DZIP3: variants seen among roughly 807,000 people sequenced by gnomAD.
DZIP3 encodes the protein DAZ interacting zinc finger protein 3, also known as E3 ubiquitin-protein ligase DZIP3.
Under a neutral mutation model 162.0 loss-of-function variants are expected in DZIP3, and 118 were observed. That is an observed-to-expected ratio of 0.73 (90% confidence interval 0.63 to 0.85). The LOEUF (loss-of-function observed/expected upper bound fraction) is 0.85. DZIP3 is among the 40% of genes least tolerant of loss of function. The pLI, the probability that DZIP3 is intolerant of heterozygous loss-of-function variation, is 0.00. For missense variants in DZIP3, 1,331 were observed against 1,407.0 expected (o/e 0.95, Z 0.86); for synonymous variants, 438 against 458.6 (o/e 0.96, Z 0.57).
chr3:108,643,118 AC>A (rs1407058769), intron 13 of DZIP3, among the ~76,000 whole-genome samples: 3 of 152,192 alleles, frequency 2.0e-5, no homozygotes, highest in African/African-American at 7.2e-5. Flanking sequence ...TCAAGCAAAA[AC>A]GTTAATTTAA....
intron 26 of DZIP3, 120 bp from the exon 27 acceptor site, chr3:108,684,096 T>A (rs2107412713): frequency 8.8e-7 from 1 of 1,142,798 alleles, no homozygotes; most frequent in Non-Finnish European, 1.2e-6. Flanking sequence ...CTTTGTATCT[T>A]GAGTTCAAAT....
chr3:108,622,472 G>T (rs1941397004), intron 5 of DZIP3, among the ~76,000 whole-genome samples: 1 of 152,120 alleles, frequency 6.6e-6, no homozygotes, highest in African/African-American at 2.4e-5. Flanking sequence ...TTGGCAACTG[G>T]TGCCTTTTTT....
At chr3:108,659,888 A>G (rs1035197418) in intron 19 of DZIP3, among the ~76,000 whole-genome samples, 2 of 152,130 alleles carry the variant, frequency 1.3e-5, no homozygotes, top group African/African-American at 4.8e-5. Context: ...CCCATTCACA[A>G]TTGCTTCAAA....
rs751065021 is a variant in DZIP3 at position 108,608,075 on chromosome 3, T to C, written c.33-14T>C. 1.2e-6 allele frequency: 2 copies of C among 1,605,810 alleles called. No individual in the cohort carries two copies. Among genetic ancestry groups the C allele is most frequent in the African/African-American group, 2.7e-5 (2 of 74,802 alleles). The stretch of plus-strand genomic sequence containing the variant: ...GAAGATGCTCTTAATATACCTCATT[T>C]TCATTTAAAATAGGCATCCTGCTGT... On this transcript the variant is annotated splice_polypyrimidine_tract_variant and intron_variant, in intron 2 of 32. Coordinates refer to ENST00000361582, the MANE Select transcript of DZIP3 (RefSeq NM_014648.4).
At chr3:108,612,170 T>C (rs1167068068) in intron 4 of DZIP3, among the ~76,000 whole-genome samples, 2 of 152,184 alleles carry the variant, frequency 1.3e-5, no homozygotes, top group Non-Finnish European at 2.9e-5. Flanking sequence ...AAGAAAATTA[T>C]ATACTCTTTT....
At chr3:108,660,796 A>AC (rs1553711812) in intron 19 of DZIP3, among the ~76,000 whole-genome samples, 3 of 151,900 alleles carry the variant, frequency 2.0e-5, no homozygotes, top group Admixed American at 2.0e-4. Context: ...TTACAAGAAA[A>AC]AAACAACCCC....
At chr3:108,668,292 C>G (rs1170388215) in intron 21 of DZIP3, among the ~76,000 whole-genome samples, 2 of 152,040 alleles carry the variant, frequency 1.3e-5, no homozygotes, top group Non-Finnish European at 2.9e-5. Flanking sequence ...CTAGAGTTAA[C>G]TTGAGAACTT....
In DZIP3 at chr3:108,651,153, A is replaced by G. The variant is rs1182396491; in HGVS notation, c.2024A>G (p.Glu675Gly). The G allele has an allele frequency of 7.9e-6, 6 of 758,186 alleles. No homozygotes were observed. The highest frequency in any genetic ancestry group is 1.1e-5 in the Non-Finnish European group (6 of 539,206). The allele number at this position is 758,186 out of a possible 1,614,324, so 47.0% of individuals were successfully genotyped here. ...ATTTTTCAGAATAAAGACTCAAAAG[A>G]AGACCAAGTGTAAGTATTAGTTTAT... ...TKNKKNKDSKEDQVPYVVEKE... is the reference protein window; with the variant it reads ...TKNKKNKDSKGDQVPYVVEKE... Residue 675 changes from glutamate to glycine, a missense_variant, in exon 18 of 33, where the codon GAA (glutamate) becomes GGA (glycine). Glu to Gly is a moderately conservative substitution (Grantham distance 98). Transcript: ENST00000361582.
intron 22 of DZIP3, among the ~76,000 whole-genome samples, chr3:108,671,355 G>A (rs1943921008): frequency 6.6e-6 from 1 of 151,810 alleles, no homozygotes; most frequent in African/African-American, 2.4e-5. Flanking sequence ...GACTGCCTTT[G>A]TGACAGTCTC....
intron 26 of DZIP3, among the ~76,000 whole-genome samples, chr3:108,679,375 CT>C (rs1223244039): frequency 6.6e-6 from 1 of 152,052 alleles, no homozygotes; most frequent in African/African-American, 2.4e-5. Flanking sequence ...TTTCTTATGT[CT>C]GACATGTCTT....
chr3:108,595,956 G>A (rs1217685333), intron 1 of DZIP3, among the ~76,000 whole-genome samples: 4 of 152,156 alleles, frequency 2.6e-5, no homozygotes, highest in African/African-American at 9.7e-5. Context: ...AAAAATTTCT[G>A]CCCAAGTTGT....
intron 10 of DZIP3, chr3:108,635,417 C>G (rs766383990): frequency 3.6e-6 from 1 of 276,266 alleles, no homozygotes; most frequent in Admixed American, 4.1e-5. Context: ...TCATAGTCTT[C>G]AAAAATATAT....
chr3:108,622,983 C>T (rs1941435657), intron 5 of DZIP3, among the ~76,000 whole-genome samples: 1 of 151,298 alleles, frequency 6.6e-6, no homozygotes. Context: ...AGATCCGAAG[C>T]CAGCCCAGTA....
chr3:108,690,721 A>G lies in DZIP3; in HGVS notation c.3517-66A>G, dbSNP rs1435140151. The G allele has an allele frequency of 9.1e-6, 13 of 1,434,656 alleles. No homozygotes were observed. The South Asian group carries it at 1.3e-4, about 14-fold the overall frequency. 88.9% of individuals were successfully genotyped at this position (1,434,656 alleles called of 1,614,324 possible). On this transcript the variant is annotated intron_variant, in intron 31 of 32. Transcript: ENST00000361582. ...ACATGTTGGTTGGTAACCCTGATGCATAGAGTGACAACTGCCTCTGCTAGG... is the reference window on the plus strand; with the variant it reads ...ACATGTTGGTTGGTAACCCTGATGCGTAGAGTGACAACTGCCTCTGCTAGG...
At position 108,644,561 on chromosome 3, in the gene DZIP3, T is replaced by C; in HGVS notation, c.1539T>C (p.Leu513=). The C allele has an allele frequency of 6.2e-7, 1 of 1,614,116 alleles. No homozygotes were observed. The highest frequency in any genetic ancestry group is 8.5e-7 in the Non-Finnish European group (1 of 1,179,976). The stretch of plus-strand genomic sequence containing the variant: ...TGTGCAAATACAGGGATATCCTCCT[T>C]AGTGAGATTTTGATGAATGGTCTCA... ...LRLCKYRDIL[L]SEILMNGLTE... Residue 513 remains leucine (L), a synonymous_variant, in exon 14 of 33, where the codon CTT becomes CTC. Coordinates refer to ENST00000361582, the MANE Select transcript of DZIP3 (RefSeq NM_014648.4).
chr3:108,656,181 C>T (rs1025894985), intron 19 of DZIP3, among the ~76,000 whole-genome samples: 4 of 152,186 alleles, frequency 2.6e-5, no homozygotes, highest in Admixed American at 6.5e-5. Flanking sequence ...GATCTGAGAA[C>T]GGACAGCCTG....
Position 108,688,878 on chromosome 3 carries a change from C to T in DZIP3, c.3470C>T (p.Pro1157Leu), listed in dbSNP as rs746948306. The T allele has an allele frequency of 6.2e-7, 1 of 1,614,156 alleles. No individual in the cohort carries two copies. The highest frequency in any genetic ancestry group is 1.7e-5 in the Admixed American group (1 of 60,032). ...PCVICHENLS[P>L]ENLSVLPCAH... The stretch of plus-strand genomic sequence containing the variant: ...GTGATCTGTCATGAGAATCTGTCTC[C>T]AGAAAATCTTTCAGTTTTGCCTTGC... The change falls in exon 31 of 33, where the codon CCA (proline) becomes CTA (leucine). Residue 1157 changes from proline (P) to leucine (L), a missense_variant. Physicochemically the swap from Pro to Leu is moderately conservative, Grantham distance 98 (BLOSUM62 -3). Around this residue, in one of 2 missense-constraint regions of DZIP3, gnomAD observed 53 missense variants for 89.9 expected, o/e 0.59. Coordinates refer to ENST00000361582, the MANE Select transcript of DZIP3 (RefSeq NM_014648.4).
At chr3:108,686,344 G>A (rs1944497259) in intron 27 of DZIP3, 101 bp from the exon 28 acceptor site, 1 of 1,124,754 alleles carries the variant, frequency 8.9e-7, no homozygotes, top group African/African-American at 1.6e-5. Flanking sequence ...AATTGAATGT[G>A]TATGCCAGTA....
At chr3:108,643,490 C>T (rs922305432) in intron 13 of DZIP3, among the ~76,000 whole-genome samples, 1 of 151,696 alleles carries the variant, frequency 6.6e-6, no homozygotes, top group African/African-American at 2.4e-5. Flanking sequence ...GGGCCTGAGA[C>T]TGTGCTTTCC....
Sources: allele counts gnomAD v4.1 joint callset (sites outside exome capture counted in the v4.1 genomes callset), GRCh38; gene constraint gnomAD v4.1.1; regional missense constraint gnomAD v4.1.1; transcripts MANE v1.5; gene names NCBI Gene and HGNC (gene_info 2026-07-23, HGNC 2026-07-21).